The following AUTS2 variants were observed in gnomAD, a reference collection of about 807,000 sequenced individuals.
AUTS2 encodes activator of transcription and developmental regulator AUTS2.
Under a neutral mutation model 112.4 loss-of-function variants are expected in AUTS2, and 17 were observed. The ratio of observed to expected loss-of-function variants is 0.15; its 90% CI spans 0.10 to 0.23. The LOEUF is 0.23. AUTS2 is among the 10% of genes least tolerant of loss of function. The pLI, the probability that AUTS2 is intolerant of heterozygous loss-of-function variation, is 1.00. For missense variants in AUTS2, 1,510 were observed against 1,701.6 expected, an observed-to-expected ratio of 0.89 and a Z score of 1.98; for synonymous variants, 751 against 702.7, an observed-to-expected ratio of 1.07 and a Z score of -1.09.
At position 70,790,906 on chromosome 7, in the gene AUTS2, C is replaced by T; in HGVS notation, c.3690C>T (p.Arg1230=). The change falls in exon 19 of 19, where the codon CGC becomes CGT. Residue 1230 remains arginine, a synonymous_variant. Transcript: ENST00000342771. The surrounding 1 kb of genome is among the most constrained non-coding windows in gnomAD (Gnocchi z 7.6). ...PPPLISTLGG[R]PVSPRRTTPL... ...CGCTCATCTCCACGCTGGGGGGCCG[C>T]CCGGTCTCTCCCAGAAGGACGACTC... The T allele has an allele frequency of 1.3e-6, 2 of 1,586,606 alleles. No individual in the cohort carries two copies. The highest frequency in any genetic ancestry group is 1.2e-5 in the South Asian group (1 of 85,562).
intron 4 of AUTS2, among the ~76,000 whole-genome samples, chr7:70,340,885 A>G (rs572327049): frequency 2.8e-4 from 43 of 152,240 alleles, no homozygotes; most frequent in Non-Finnish European, 6.0e-4. Flanking sequence ...TGGGTGTTGG[A>G]AGAGTTTTGA....
At chr7:70,147,783 G>T (rs915036374) in intron 4 of AUTS2, among the ~76,000 whole-genome samples, 1 of 152,056 alleles carries the variant, frequency 6.6e-6, no homozygotes, top group Admixed American at 6.6e-5. Context: ...AGGGTGGAAA[G>T]CCAAACCCAA....
chr7:70,227,540 G>A (rs1325649889), intron 4 of AUTS2, among the ~76,000 whole-genome samples: 1 of 152,038 alleles, frequency 6.6e-6, no homozygotes, highest in Non-Finnish European at 1.5e-5. Context: ...ATTTCTTAAG[G>A]TGGAAGTGTC....
At chr7:70,414,849 C>G (rs1794925554) in intron 4 of AUTS2, among the ~76,000 whole-genome samples, 2 of 152,202 alleles carry the variant, frequency 1.3e-5, no homozygotes, top group East Asian at 3.9e-4. Flanking sequence ...TACAGTTTGT[C>G]TTTAGTTTAC....
intron 1 of AUTS2, among the ~76,000 whole-genome samples, chr7:69,615,184 C>A (rs1054491521): frequency 6.6e-6 from 1 of 152,108 alleles, no homozygotes; most frequent in Non-Finnish European, 1.5e-5. Flanking sequence ...TATAATACCC[C>A]TGTTGTGATG....
At chr7:70,590,339 C>G (rs1008239017) in intron 5 of AUTS2, among the ~76,000 whole-genome samples, 2 of 152,120 alleles carry the variant, frequency 1.3e-5, no homozygotes, top group African/African-American at 4.8e-5. Context: ...TTGCCAAGTT[C>G]ACGGGCTGGT....
chr7:69,694,882 A>G (rs906137513), intron 1 of AUTS2, among the ~76,000 whole-genome samples: 1 of 152,196 alleles, frequency 6.6e-6, no homozygotes, highest in Non-Finnish European at 1.5e-5. Context: ...ACGTCTTTGA[A>G]ATTAAGAGTA....
chr7:70,784,360 C>T (rs1791291868), intron 15 of AUTS2: 1 of 152,584 alleles, frequency 6.6e-6, no homozygotes, highest in African/African-American at 2.4e-5. Flanking sequence ...AGGACCACCC[C>T]TCCTGAGCCA....
chr7:70,012,828 T>A (rs780635681), intron 2 of AUTS2, among the ~76,000 whole-genome samples: 9 of 152,334 alleles, frequency 5.9e-5, no homozygotes, highest in Non-Finnish European at 1.2e-4. Context: ...CTGGGTTGTA[T>A]TTATAATTTA....
At chr7:70,025,350 A>G (rs911997760) in intron 2 of AUTS2, among the ~76,000 whole-genome samples, 1 of 151,640 alleles carries the variant, frequency 6.6e-6, no homozygotes, top group South Asian at 2.1e-4. Context: ...TCTCTTCTGT[A>G]TCTGCTTGTT....
intron 6 of AUTS2, among the ~76,000 whole-genome samples, chr7:70,704,398 C>G (rs1809626281): frequency 6.6e-6 from 1 of 152,138 alleles, no homozygotes; most frequent in African/African-American, 2.4e-5. Context: ...TTCTTTTAGT[C>G]AGATGTTCAA....
At chr7:69,744,880 C>T (rs1464726337) in intron 1 of AUTS2, among the ~76,000 whole-genome samples, 2 of 152,080 alleles carry the variant, frequency 1.3e-5, no homozygotes, top group African/African-American at 4.8e-5. Flanking sequence ...ACAAGCTACA[C>T]AAAAGCACTG....
At chr7:70,129,015 A>G (rs1439443394) in intron 3 of AUTS2, among the ~76,000 whole-genome samples, 1 of 152,196 alleles carries the variant, frequency 6.6e-6, no homozygotes, top group Non-Finnish European at 1.5e-5. Flanking sequence ...AAAAGACCGT[A>G]TATCCAAATT....
rs928242336 is a variant in AUTS2, at chr7:70,792,828, G to C, written c.*1832G>C. On this transcript the variant is annotated 3_prime_UTR_variant, in exon 19 of 19. Transcript: ENST00000342771. The stretch of plus-strand genomic sequence containing the variant: ...ATGTTCTCATCGGCGGAGCCTTCTT[G>C]TGTAATGTAAACTGTGCCATGTTAT... The C allele has an allele frequency of 2.6e-5, 4 of 152,588 alleles. No individual in the cohort carries two copies. The highest frequency in any genetic ancestry group is 5.9e-5 in the Non-Finnish European group (4 of 68,034). 9.5% of individuals were successfully genotyped at this position (152,588 alleles called of 1,614,324 possible).
At chr7:69,695,891 A>G (rs1034341229) in intron 1 of AUTS2, among the ~76,000 whole-genome samples, 1 of 152,208 alleles carries the variant, frequency 6.6e-6, no homozygotes, top group African/African-American at 2.4e-5. Flanking sequence ...CTTCTGTATT[A>G]CGGGAGAACA....
intron 4 of AUTS2, among the ~76,000 whole-genome samples, chr7:70,164,627 A>G (rs1562754486): frequency 1.3e-5 from 2 of 152,294 alleles, no homozygotes; most frequent in Admixed American, 6.5e-5. Context: ...ACAGCAGTCT[A>G]TCAGAGGAGG....
intron 5 of AUTS2, among the ~76,000 whole-genome samples, chr7:70,651,396 A>C (rs1415242609): frequency 6.6e-6 from 1 of 152,210 alleles, no homozygotes; most frequent in Non-Finnish European, 1.5e-5. Context: ...TCCTTAACTT[A>C]CATTGGGGTT....
rs146290597 is a variant in AUTS2, at chr7:70,484,092, C to G, written c.690+48311C>G. ...AGTTACAAATCAAAGCCTGAATTGT[C>G]ACTTATCTCCTAATGATACTTCTAC... On this transcript the variant is annotated intron_variant, in intron 5 of 18. Coordinates refer to ENST00000342771, the MANE Select transcript of AUTS2 (RefSeq NM_015570.4). Among the ~76,000 whole-genome samples the G allele has an allele frequency of 5.1e-4, 77 of 152,226 alleles. 1 individual carries two copies. Among genetic ancestry groups the G allele is most frequent in the African/African-American group, 1.8e-3 (75 of 41,534 alleles).
At chr7:70,211,058 C>G (rs1810855513) in intron 4 of AUTS2, among the ~76,000 whole-genome samples, 1 of 152,088 alleles carries the variant, frequency 6.6e-6, no homozygotes, top group Admixed American at 6.6e-5. Flanking sequence ...AATATTATGG[C>G]TGCTGGGAGC....
Sources: allele counts gnomAD v4.1 joint callset (sites outside exome capture counted in the v4.1 genomes callset), GRCh38; gene constraint gnomAD v4.1.1; non-coding constraint Gnocchi (gnomAD v3.1); transcripts MANE v1.5; gene names NCBI Gene and HGNC (gene_info 2026-07-23, HGNC 2026-07-21).